Variants in CADPS2 observed in about 807,000 individuals in gnomAD.
CADPS2 encodes the protein calcium dependent secretion activator 2.
CADPS2 carries 93 observed loss-of-function variants against 172.5 expected under a neutral mutation model. That is an observed-to-expected ratio of 0.54 (90% confidence interval 0.46 to 0.64). The LOEUF (loss-of-function observed/expected upper bound fraction) is 0.64, where lower values mean the gene tolerates loss of function less well. Among genes scored for constraint, CADPS2 ranks in the 30% least tolerant of loss-of-function variants. The pLI is 0.00. For synonymous variants in CADPS2, 546 were observed against 555.2 expected, an observed-to-expected ratio of 0.98 and a Z score of 0.23; for missense variants, 1,420 against 1,565.9, an observed-to-expected ratio of 0.91 and a Z score of 1.57.
At chr7:122,418,306 C>A (rs1330784539) in intron 17 of CADPS2, among the ~76,000 whole-genome samples, 1 of 152,078 alleles carries the variant, frequency 6.6e-6, no homozygotes, top group African/African-American at 2.4e-5. Context: ...GATAAGGAAA[C>A]ATGCTCAAAA....
Position 122,373,522 on chromosome 7 carries a change from G to T in CADPS2, c.3387+5846C>A, listed in dbSNP as rs1469732780. Reference sequence around the variant, plus strand: ...ACCCTGGTATCACGCCTGCCCAAAGGCCCTAACAGCTGGCCCACACAACAT... The same window carrying T: ...ACCCTGGTATCACGCCTGCCCAAAGTCCCTAACAGCTGGCCCACACAACAT... On this transcript the variant is annotated intron_variant, in intron 25 of 29. Coordinates refer to ENST00000449022, the MANE Select transcript of CADPS2 (RefSeq NM_017954.11). Among the ~76,000 whole-genome samples the T allele has an allele frequency of 2.6e-5, 4 of 152,226 alleles. No homozygotes were observed. The East Asian group carries it at 7.7e-4, about 29-fold the overall frequency.
chr7:122,722,030 T>C (rs949374344), intron 2 of CADPS2, among the ~76,000 whole-genome samples: 1 of 152,290 alleles, frequency 6.6e-6, no homozygotes, highest in Non-Finnish European at 1.5e-5. Flanking sequence ...TTGGTATCGA[T>C]GGGACATATC....
intron 8 of CADPS2, among the ~76,000 whole-genome samples, chr7:122,548,699 A>G (rs537639673): frequency 1.8e-4 from 28 of 152,300 alleles, no homozygotes; most frequent in African/African-American, 6.7e-4. Flanking sequence ...AATAAAGTGA[A>G]AGTGCTTTCT....
At position 122,628,215 on chromosome 7, in the gene CADPS2, A is replaced by C. The variant is rs2076260890; in HGVS notation, c.867+1033T>G. Among the ~76,000 whole-genome samples the C allele has an allele frequency of 2.6e-5, 4 of 152,248 alleles. No homozygotes were observed. The South Asian group carries it at 8.3e-4, about 32-fold the overall frequency. On this transcript the variant is annotated intron_variant, in intron 4 of 29. Coordinates refer to ENST00000449022, the MANE Select transcript of CADPS2 (RefSeq NM_017954.11). Reference sequence around the variant, plus strand: ...CCCTCTACTTTTTAATAAACACTTAAACAGTGTTAGCATTTTAAAAACATT... The same window carrying C: ...CCCTCTACTTTTTAATAAACACTTACACAGTGTTAGCATTTTAAAAACATT...
At chr7:122,498,683 G>A (rs1424795594) in intron 9 of CADPS2, among the ~76,000 whole-genome samples, 1 of 152,026 alleles carries the variant, frequency 6.6e-6, no homozygotes, top group Non-Finnish European at 1.5e-5. Context: ...GTGTTTTGAA[G>A]TTTTGGAAGT....
intron 1 of CADPS2, among the ~76,000 whole-genome samples, chr7:122,859,215 T>C (rs963359063): frequency 2.0e-5 from 3 of 152,228 alleles, no homozygotes; most frequent in Non-Finnish European, 2.9e-5. Context: ...TAAAGAAAAA[T>C]ATCCCAAAAG....
rs1445224632 is a variant in CADPS2 at position 122,822,064 on chromosome 7, G to A, written c.339+63935C>T. Among the ~76,000 whole-genome samples the A allele has an allele frequency of 2.6e-5, 4 of 151,852 alleles. No individual in the cohort carries two copies. In the East Asian group the frequency reaches 7.7e-4, roughly 29 times the overall value. Reference sequence around the variant, plus strand: ...TACACGCCCTGCTCTTGTTTACACTGCCGGTTTACACTGTTTTTCCAAGCC... The same window carrying A: ...TACACGCCCTGCTCTTGTTTACACTACCGGTTTACACTGTTTTTCCAAGCC... On this transcript the variant is annotated intron_variant, in intron 1 of 29. Transcript: ENST00000449022.
intron 1 of CADPS2, among the ~76,000 whole-genome samples, chr7:122,860,961 G>T (rs1816808896): frequency 6.6e-6 from 1 of 152,024 alleles, no homozygotes; most frequent in African/African-American, 2.4e-5. Flanking sequence ...AAATAGTAAT[G>T]GTATGAGTAT....
intron 8 of CADPS2, among the ~76,000 whole-genome samples, chr7:122,522,339 T>C (rs949973489): frequency 3.3e-5 from 5 of 152,008 alleles, no homozygotes; most frequent in Non-Finnish European, 7.4e-5. Flanking sequence ...GGTCTGGAAC[T>C]CCTGAGCTCA....
chr7:122,564,328 G>A (rs2066127257), intron 7 of CADPS2, among the ~76,000 whole-genome samples: 1 of 152,046 alleles, frequency 6.6e-6, no homozygotes, highest in Admixed American at 6.6e-5. Context: ...ATTTAGAGAT[G>A]GAGTCTCACT....
rs2043790165 is a variant in CADPS2 at position 122,387,112 on chromosome 7, G to C, written c.3226C>G (p.Pro1076Ala). Residue 1076 changes from proline to alanine, a missense_variant, in exon 24 of 30, where the codon CCA (proline) becomes GCA (alanine). Physicochemically the swap from Pro to Ala is conservative, Grantham distance 27. Coordinates refer to ENST00000449022, the MANE Select transcript of CADPS2 (RefSeq NM_017954.11). Reference protein sequence around the residue: ...KASKTTDLRIPASVCTMFNVL... With the variant: ...KASKTTDLRIAASVCTMFNVL... Reference sequence around the variant, plus strand: ...TTAAACATAGTGCAAACGGAAGCTGGAATGCGCAAGTCAGTTGTTTTGCTT... The same window carrying C: ...TTAAACATAGTGCAAACGGAAGCTGCAATGCGCAAGTCAGTTGTTTTGCTT... The C allele has an allele frequency of 1.3e-6, 2 of 1,573,346 alleles. No individual in the cohort carries two copies. The highest frequency in any genetic ancestry group is 4.6e-5 in the East Asian group (2 of 43,400).
chr7:122,780,707 C>T (rs1052147091), intron 1 of CADPS2, among the ~76,000 whole-genome samples: 6 of 152,136 alleles, frequency 3.9e-5, no homozygotes, highest in African/African-American at 1.4e-4. Context: ...GAGAGTCTCA[C>T]TATGCTGCCC....
At chr7:122,706,803 C>CACACACATATATATATATGTATGT (rs1564129913) in intron 2 of CADPS2, among the ~76,000 whole-genome samples, 49 of 145,658 alleles carry the variant, frequency 3.4e-4, no homozygotes, top group African/African-American at 1.2e-3. Flanking sequence ...TATATATACA[C>CACACACATATATATATATGTATGT]ACACACACAT....
chr7:122,682,652 GAATTC>G (rs1311366330), intron 2 of CADPS2, among the ~76,000 whole-genome samples: 5 of 152,106 alleles, frequency 3.3e-5, no homozygotes, highest in African/African-American at 1.2e-4. Flanking sequence ...TTCAATTACA[GAATTC>G]AATTCACCTC....
intron 6 of CADPS2, among the ~76,000 whole-genome samples, chr7:122,605,635 C>T (rs949979309): frequency 6.6e-6 from 1 of 152,026 alleles, no homozygotes; most frequent in African/African-American, 2.4e-5. Context: ...TCAAAATTAC[C>T]TATGCCAAAT....
rs974128920 is a variant in CADPS2, at chr7:122,858,933, C to G, written c.339+27066G>C. On this transcript the variant is annotated intron_variant, in intron 1 of 29. Transcript: ENST00000449022. ...TAATATGCATTTGGCCCTTGGGGAA[C>G]AGATGGTGCTACCTACTGCAAGAAT... Among the ~76,000 whole-genome samples the G allele has an allele frequency of 2.6e-5, 4 of 152,142 alleles. No individual in the cohort carries two copies. The East Asian group carries it at 5.8e-4, about 22-fold the overall frequency.
At chr7:122,853,045 T>C (rs1203041098) in intron 1 of CADPS2, among the ~76,000 whole-genome samples, 1 of 152,226 alleles carries the variant, frequency 6.6e-6, no homozygotes, top group Non-Finnish European at 1.5e-5. Flanking sequence ...AATGCATGAC[T>C]ATAATCATAG....
chr7:122,573,884 A>C (rs908838863), intron 7 of CADPS2, among the ~76,000 whole-genome samples: 1 of 152,128 alleles, frequency 6.6e-6, no homozygotes, highest in Non-Finnish European at 1.5e-5. Context: ...CTGAACCTGC[A>C]ATTTCTTCAA....
intron 17 of CADPS2, 55 bp from the exon 18 acceptor site, chr7:122,416,219 T>C (rs996073396): frequency 2.1e-6 from 2 of 945,936 alleles, no homozygotes; most frequent in Admixed American, 2.1e-5. Context: ...GCCAAACATA[T>C]TTGAAGACGT....
Sources: gnomAD v4.1 joint callset for allele counts (sites outside exome capture counted in the v4.1 genomes callset) on GRCh38, gnomAD v4.1.1 for gene constraint, MANE v1.5 for transcripts, NCBI Gene and HGNC (gene_info 2026-07-23, HGNC 2026-07-21) for gene names.